USP38: variants seen among roughly 807,000 people sequenced by gnomAD.
The protein encoded by USP38 is ubiquitin specific peptidase 38.
A neutral mutation model predicts 94.3 loss-of-function variants in USP38; 49 were observed. That is an observed-to-expected ratio of 0.52 (90% CI 0.41 to 0.66). The LOEUF (loss-of-function observed/expected upper bound fraction) is 0.66. USP38 is among the 30% of genes least tolerant of loss of function. The pLI is 0.00. For synonymous variants in USP38, 468 were observed against 463.6 expected, an observed-to-expected ratio of 1.01 and a Z score of -0.12; for missense variants, 1,128 against 1,229.4, an observed-to-expected ratio of 0.92 and a Z score of 1.23.
rs1365525352 is a variant in USP38, at chr4:143,203,572, A to G, written c.1209+6A>G. On this transcript the variant is annotated splice_donor_region_variant and intron_variant, in intron 5 of 9. Transcript: ENST00000307017. ...CTATTCTGGAGGCAATAAAGGTATGATGATAGTTGTACCAATATTTGTGGA... is the reference window on the plus strand; with the variant it reads ...CTATTCTGGAGGCAATAAAGGTATGGTGATAGTTGTACCAATATTTGTGGA... 2 of 1,605,698 alleles carry G rather than the reference A, an allele frequency of 1.2e-6. No homozygotes were observed. The highest frequency in any genetic ancestry group is 2.2e-5 in the East Asian group (1 of 44,520).
chr4:143,202,385 A>G (rs1275262957), intron 4 of USP38, among the ~76,000 whole-genome samples: 2 of 152,140 alleles, frequency 1.3e-5, no homozygotes, highest in African/African-American at 4.8e-5. Context: ...GGTTATTACT[A>G]TAATTGCTGT....
chr4:143,189,646 A>C (rs1731337261), intron 2 of USP38, among the ~76,000 whole-genome samples: 1 of 151,888 alleles, frequency 6.6e-6, no homozygotes, highest in African/African-American at 2.4e-5. Context: ...TAATTGAATC[A>C]ATTTATCTGT....
At position 143,185,126 on chromosome 4, in the gene USP38, G is replaced by C. The variant is rs1731168928; in HGVS notation, c.-325G>C. ...CCCCGGGCCCTGAGCTCCCGCCGAC[G>C]CCGCTGGGGGGCCCGACAGGCCCCT... On this transcript the variant is annotated 5_prime_UTR_variant, in exon 1 of 10. Coordinates refer to ENST00000307017, the MANE Select transcript of USP38 (RefSeq NM_032557.6). 4.7e-6 allele frequency: 1 copy of C among 212,170 alleles called. No homozygotes were observed. The highest frequency in any genetic ancestry group is 2.3e-5 in the African/African-American group (1 of 43,166). 13.1% of individuals were successfully genotyped at this position (212,170 alleles called of 1,614,324 possible). A position where few individuals can be genotyped will look rare whatever the true frequency, so the allele number is the denominator to read the frequency against.
chr4:143,218,237 G>A (rs1732234513), intron 9 of USP38, among the ~76,000 whole-genome samples: 1 of 151,988 alleles, frequency 6.6e-6, no homozygotes, highest in Non-Finnish European at 1.5e-5. Flanking sequence ...AAGGATTAAT[G>A]TCAACAGTTT....
At chr4:143,200,890 T>C (rs148704556) in intron 4 of USP38, among the ~76,000 whole-genome samples, 486 of 152,090 alleles carry the variant, frequency 3.2e-3, no homozygotes, top group African/African-American at 0.011. Flanking sequence ...CACAAACAAA[T>C]GGAAAAACAT....
At chr4:143,210,675 A>AAC (rs1030417156) in intron 7 of USP38, among the ~76,000 whole-genome samples, 1 of 151,490 alleles carries the variant, frequency 6.6e-6, no homozygotes, top group Non-Finnish European at 1.5e-5. Context: ...CATTATTTAT[A>AAC]ATATATATTA....
At chr4:143,197,311 G>C (rs1731581126) in intron 3 of USP38, among the ~76,000 whole-genome samples, 1 of 152,112 alleles carries the variant, frequency 6.6e-6, no homozygotes, top group Admixed American at 6.5e-5. Context: ...TAAAACAGCA[G>C]ATTTTTTTGC....
At chr4:143,217,009 A>G (rs1039293856) in intron 9 of USP38, among the ~76,000 whole-genome samples, 13 of 151,992 alleles carry the variant, frequency 8.6e-5, no homozygotes, top group African/African-American at 3.1e-4. Flanking sequence ...ACAGAGTTTC[A>G]CCATGTTGGC....
At chr4:143,217,806 C>G (rs1732223324) in intron 9 of USP38, among the ~76,000 whole-genome samples, 1 of 152,170 alleles carries the variant, frequency 6.6e-6, no homozygotes. Context: ...TGTGACAAAC[C>G]ATTCTCTACT....
At chr4:143,203,301 C>T (rs2149608620) in intron 4 of USP38, 107 bp from the exon 5 acceptor site, 2 of 1,133,224 alleles carry the variant, frequency 1.8e-6, no homozygotes, top group Non-Finnish European at 2.5e-6. Context: ...ACTGCACATA[C>T]AGAAAAGTAT....
chr4:143,187,742 C>CTTT, intron 1 of USP38, 84 bp from the exon 2 acceptor site: 7 of 1,066,578 alleles, frequency 6.6e-6, no homozygotes, highest in African/African-American at 3.3e-5. Flanking sequence ...GCTGCAATGA[C>CTTT]TTTTTTTTTT....
chr4:143,213,917 A>G lies in USP38; in HGVS notation c.1941A>G (p.Gln647=), dbSNP rs747120087. 6.2e-7 allele frequency: 1 copy of G among 1,613,858 alleles called. No individual in the cohort carries two copies. The highest frequency in any genetic ancestry group is 2.2e-5 in the East Asian group (1 of 44,880). ...SPSIQDGGLM[Q]ASVPGPSEEP... ...GTATACAAGATGGTGGTCTAATGCA[A>G]GCCTCTGTACCCGGTCCTTCAGAAG... Residue 647 remains glutamine (Q), a synonymous_variant, in exon 9 of 10, where the codon CAA becomes CAG. Transcript: ENST00000307017.
chr4:143,213,978 A>C lies in USP38; in HGVS notation c.2002A>C (p.Ile668Leu), dbSNP rs1054512248. 1.9e-6 allele frequency: 3 copies of C among 1,613,574 alleles called. No individual in the cohort carries two copies. In the East Asian group the frequency reaches 6.7e-5, roughly 36 times the overall value. ...TTATAATCCAACAACAGCTGCCTTC[A>C]TCTGTGACTCACTTGTGAATGAAAA... The part of the protein sequence containing the change: ...VVYNPTTAAF[I>L]CDSLVNEKTI... Residue 668 changes from isoleucine (I) to leucine (L), a missense_variant, in exon 9 of 10, where the codon ATC becomes CTC. Physicochemically the swap from Ile to Leu is conservative, Grantham distance 5. Coordinates refer to ENST00000307017, the MANE Select transcript of USP38 (RefSeq NM_032557.6).
At chr4:143,198,596 T>C (rs1253230711) in intron 4 of USP38, among the ~76,000 whole-genome samples, 1 of 152,162 alleles carries the variant, frequency 6.6e-6, no homozygotes, top group Non-Finnish European at 1.5e-5. Context: ...GGAATACTGA[T>C]TCACCATAAC....
chr4:143,213,970 C>T lies in USP38; in HGVS notation c.1994C>T (p.Ala665Val). ...CCAGTAGTTTATAATCCAACAACAG[C>T]TGCCTTCATCTGTGACTCACTTGTG... ...EEPVVYNPTT[A>V]AFICDSLVNE... is the part of the protein sequence containing the mutation. The change falls in exon 9 of 10, where the codon GCT (alanine) becomes GTT (valine). Residue 665 changes from alanine to valine, a missense_variant. Transcript: ENST00000307017. The T allele has an allele frequency of 6.2e-7, 1 of 1,613,590 alleles. No individual in the cohort carries two copies.
At chr4:143,188,478 A>G (rs1731296433) in intron 2 of USP38, among the ~76,000 whole-genome samples, 1 of 151,980 alleles carries the variant, frequency 6.6e-6, no homozygotes. Context: ...ATAATACTGT[A>G]TTACCTTTGG....
intron 9 of USP38, among the ~76,000 whole-genome samples, chr4:143,216,731 C>T (rs1317544200): frequency 2.0e-5 from 3 of 152,130 alleles, no homozygotes; most frequent in Non-Finnish European, 4.4e-5. Context: ...CCTCCTCGGC[C>T]TCCCAAAGTG....
In USP38 at chr4:143,223,459, C is replaced by G. The variant is rs1732373285; in HGVS notation, c.*3003C>G. ...AAGAACAAAAATTTTCAAGCTAAGT[C>G]TTAAGTTCAAATCTATAATTTTTTT... is the stretch of plus-strand genomic sequence containing the variant. On this transcript the variant is annotated 3_prime_UTR_variant, in exon 10 of 10. Transcript: ENST00000307017. 1 of 152,104 alleles carries G rather than the reference C, an allele frequency of 6.6e-6. No individual in the cohort carries two copies. Among genetic ancestry groups the G allele is most frequent in the Non-Finnish European group, 1.5e-5 (1 of 68,000 alleles). The allele number at this position is 152,104 out of a possible 1,614,324, so 9.4% of individuals were successfully genotyped here. A position where few individuals can be genotyped will look rare whatever the true frequency, so the allele number is the denominator to read the frequency against.
intron 7 of USP38, among the ~76,000 whole-genome samples, chr4:143,212,039 T>C (rs1197371939): frequency 6.6e-6 from 1 of 152,204 alleles, no homozygotes; most frequent in Non-Finnish European, 1.5e-5. Flanking sequence ...GGTTCTACTT[T>C]AATGCCTTGT....
Sources: allele counts gnomAD v4.1 joint callset (sites outside exome capture counted in the v4.1 genomes callset), GRCh38; gene constraint gnomAD v4.1.1; transcripts MANE v1.5; gene names NCBI Gene and HGNC (gene_info 2026-07-23, HGNC 2026-07-21).